The following RAPGEF5 variants were observed in gnomAD, a reference collection of about 807,000 sequenced individuals.
RAPGEF5 encodes the protein Rap guanine nucleotide exchange factor 5, also known as M-Ras-regulated GEF.
RAPGEF5 carries 65 observed loss-of-function variants against 125.2 expected under a neutral mutation model. The observed-to-expected ratio is 0.52, with a 90% CI of 0.43 to 0.64. The LOEUF is 0.64. RAPGEF5 is among the 30% of genes least tolerant of loss of function. The probability of loss-of-function intolerance (pLI) is 0.00; values close to 1 mark genes in which losing one functional copy is unlikely to be tolerated. For synonymous variants in RAPGEF5, 391 were observed against 385.9 expected (o/e 1.01, Z -0.16); for missense variants, 958 against 1,048.1 (o/e 0.91, Z 1.19).
At chr7:22,161,300 G>C (rs998219882) in intron 13 of RAPGEF5, among the ~76,000 whole-genome samples, 1 of 152,158 alleles carries the variant, frequency 6.6e-6, no homozygotes, top group Non-Finnish European at 1.5e-5. Flanking sequence ...CAACACTTTG[G>C]GAGGCTGAGT....
chr7:22,132,261 G>A (rs550351240), intron 23 of RAPGEF5, among the ~76,000 whole-genome samples: 17 of 152,202 alleles, frequency 1.1e-4, no homozygotes, highest in Admixed American at 2.0e-4. Flanking sequence ...CTGTCACCAG[G>A]AGGTGACAAT....
rs1354577035 is a variant in RAPGEF5 at position 22,140,108 on chromosome 7, C to T, written c.2194G>A (p.Ala732Thr). The change falls in exon 21 of 26, where the codon GCC becomes ACC. Residue 732 changes from alanine to threonine, a missense_variant. Physicochemically the swap from Ala to Thr is moderately conservative, Grantham distance 58 (BLOSUM62 0). Transcript: ENST00000665637. ...AAGAAAGAATTCAGGTTTCTCTGGG[C>T]TTTGCAGCTATAAAATAAAAGAGAG... ...KFIKIAAHCKAQRNLNSFFAI... is the reference protein window; with the variant it reads ...KFIKIAAHCKTQRNLNSFFAI... 2.6e-6 allele frequency: 4 copies of T among 1,556,406 alleles called. No homozygotes were observed. The highest frequency in any genetic ancestry group is 2.4e-5 in the East Asian group (1 of 41,388).
At chr7:22,141,847 G>A (rs7782218) in intron 20 of RAPGEF5, among the ~76,000 whole-genome samples, 18,754 of 152,050 alleles carry the variant, frequency 0.12, 1,253 homozygotes, top group African/African-American at 0.15. Flanking sequence ...CTCCTGGGTC[G>A]ACCCCACTTG....
At chr7:22,282,402 A>T (rs1782693490) in intron 6 of RAPGEF5, among the ~76,000 whole-genome samples, 1 of 152,254 alleles carries the variant, frequency 6.6e-6, no homozygotes, top group Non-Finnish European at 1.5e-5. Flanking sequence ...GCTATTTAAT[A>T]TAATTCCATG....
chr7:22,175,766 G>A (rs958877073), intron 11 of RAPGEF5, among the ~76,000 whole-genome samples: 2 of 152,116 alleles, frequency 1.3e-5, no homozygotes, highest in Non-Finnish European at 2.9e-5. Flanking sequence ...TAAATTAGAA[G>A]CCTGAGATAT....
At chr7:22,256,221 T>A (rs1786756903) in intron 7 of RAPGEF5, among the ~76,000 whole-genome samples, 1 of 152,198 alleles carries the variant, frequency 6.6e-6, no homozygotes, top group East Asian at 1.9e-4. Context: ...CTTTTGGGGC[T>A]ATCAGGACAA....
In RAPGEF5 at chr7:22,162,497, A is replaced by C; in HGVS notation, c.1328T>G (p.Val443Gly). The change falls in exon 13 of 26, where the codon GTT becomes GGT. Residue 443 changes from valine to glycine, a missense_variant. Transcript: ENST00000665637. ...CAAGACTTTACGTTTCCTACGCGGA[A>C]CGTCTGAGTTTTCCTCTTTGCCTTG... ...KYQGKEENSDVPRRKRKVLHL... is the reference protein window; with the variant it reads ...KYQGKEENSDGPRRKRKVLHL... 1 of 1,609,358 alleles carries C rather than the reference A, an allele frequency of 6.2e-7. No homozygotes were observed. Among genetic ancestry groups the C allele is most frequent in the Non-Finnish European group, 8.5e-7 (1 of 1,175,740 alleles).
rs1197252389 is a variant in RAPGEF5, at chr7:22,118,656, T to C, written c.*3750A>G. ...CCCTGATGGCGGGTTCTCTATCTTC[T>C]AATTGTTAATGCAAGCTGACAATAT... On this transcript the variant is annotated 3_prime_UTR_variant, in exon 26 of 26. Transcript: ENST00000665637. 6.6e-6 allele frequency: 1 copy of C among 152,652 alleles called. No individual in the cohort carries two copies. Among genetic ancestry groups the C allele is most frequent in the Non-Finnish European group, 1.5e-5 (1 of 68,046 alleles). The allele number at this position is 152,652 out of a possible 1,614,324, so 9.5% of individuals were successfully genotyped here. A position where few individuals can be genotyped will look rare whatever the true frequency, so the allele number is the denominator to read the frequency against.
At chr7:22,261,049 C>T (rs377060317) in intron 7 of RAPGEF5, among the ~76,000 whole-genome samples, 63 of 152,076 alleles carry the variant, frequency 4.1e-4, no homozygotes, top group African/African-American at 1.5e-3. Flanking sequence ...TTTTGATTTC[C>T]ACATCACACC....
chr7:22,299,826 C>T (rs1377918500), intron 5 of RAPGEF5, among the ~76,000 whole-genome samples: 1 of 151,954 alleles, frequency 6.6e-6, no homozygotes, highest in Non-Finnish European at 1.5e-5. Context: ...TTCTGGCCTC[C>T]ATGGTTTCTA....
chr7:22,209,817 C>G (rs756927577), intron 9 of RAPGEF5, among the ~76,000 whole-genome samples: 29 of 152,160 alleles, frequency 1.9e-4, no homozygotes, highest in Non-Finnish European at 3.8e-4. Context: ...GATAAAAGCA[C>G]AAAGCCTGAA....
At chr7:22,329,773 G>A (rs1426017831) in intron 1 of RAPGEF5, among the ~76,000 whole-genome samples, 1 of 152,144 alleles carries the variant, frequency 6.6e-6, no homozygotes, top group Non-Finnish European at 1.5e-5. Context: ...GCTGAGGTCC[G>A]AAGGCAATGG....
At chr7:22,175,090 A>C (rs1784464530) in intron 11 of RAPGEF5, among the ~76,000 whole-genome samples, 1 of 152,292 alleles carries the variant, frequency 6.6e-6, no homozygotes, top group Admixed American at 6.5e-5. Flanking sequence ...AAACAGAATA[A>C]AGAGAAACGA....
At chr7:22,258,880 C>G (rs566448692) in intron 7 of RAPGEF5, among the ~76,000 whole-genome samples, 1 of 151,964 alleles carries the variant, frequency 6.6e-6, no homozygotes, top group South Asian at 2.1e-4. Flanking sequence ...GGGCCCCAGA[C>G]CTACATGTAA....
rs1199550776 is a variant in RAPGEF5, at chr7:22,241,461, C to T, written c.797-10542G>A. Reference sequence around the variant, plus strand: ...AAGACTGGAAAATTTGCCTTAACCCCCATCAAAACCTATCCTGCTAGAATT... The same window carrying T: ...AAGACTGGAAAATTTGCCTTAACCCTCATCAAAACCTATCCTGCTAGAATT... On this transcript the variant is annotated intron_variant, in intron 7 of 25. Transcript: ENST00000665637. 2.0e-5 allele frequency among the ~76,000 whole-genome samples: 3 copies of T among 152,242 alleles called. No individual in the cohort carries two copies. In the East Asian group the frequency reaches 5.8e-4, roughly 29 times the overall value.
At position 22,145,048 on chromosome 7, in the gene RAPGEF5, C is replaced by A. The variant is rs1199345171; in HGVS notation, c.2182G>T (p.Ala728Ser). The change falls in exon 20 of 26, where the codon GCT becomes TCT. Residue 728 changes from alanine to serine, a missense_variant. Coordinates refer to ENST00000665637, the MANE Select transcript of RAPGEF5 (RefSeq NM_012294.5). ...QLVKKFIKIA[A>S]HCKAQRNLNS... is the part of the protein sequence containing the mutation. The stretch of plus-strand genomic sequence containing the variant: ...CTTCTCACACTAGAAACTTACTGAG[C>A]CGCAATTTTGATGAATTTTTTCACC... The A allele has an allele frequency of 5.0e-6, 8 of 1,612,598 alleles. No homozygotes were observed.
At position 22,162,501 on chromosome 7, in the gene RAPGEF5, C is replaced by G; in HGVS notation, c.1324G>C (p.Asp442His). The G allele has an allele frequency of 6.2e-7, 1 of 1,609,478 alleles. No homozygotes were observed. The highest frequency in any genetic ancestry group is 8.5e-7 in the Non-Finnish European group (1 of 1,175,892). Residue 442 changes from aspartate to histidine, a missense_variant, in exon 13 of 26, where the codon GAC (aspartate) becomes CAC (histidine). By Grantham distance (81) the Asp-to-His change is moderately conservative. Transcript: ENST00000665637. ...ACTTTACGTTTCCTACGCGGAACGT[C>G]TGAGTTTTCCTCTTTGCCTTGATAC... ...KKYQGKEENS[D>H]VPRRKRKVLH...
intron 5 of RAPGEF5, among the ~76,000 whole-genome samples, chr7:22,300,884 C>A (rs1001052059): frequency 6.6e-6 from 1 of 152,224 alleles, no homozygotes; most frequent in Non-Finnish European, 1.5e-5. Context: ...TTCAAAACTA[C>A]AGGGACCCAT....
At chr7:22,189,305 T>C (rs1784919268) in intron 11 of RAPGEF5, among the ~76,000 whole-genome samples, 1 of 152,146 alleles carries the variant, frequency 6.6e-6, no homozygotes, top group South Asian at 2.1e-4. Context: ...TAAGAAGGGG[T>C]TTCTCCATGT....
Sources: gnomAD v4.1 joint callset for allele counts (sites outside exome capture counted in the v4.1 genomes callset) on GRCh38, gnomAD v4.1.1 for gene constraint, MANE v1.5 for transcripts, NCBI Gene and HGNC (gene_info 2026-07-23, HGNC 2026-07-21) for gene names.